The following GALNTL6 variants were observed in gnomAD, a reference collection of about 807,000 sequenced individuals.
GALNTL6 encodes polypeptide N-acetylgalactosaminyltransferase like 6.
In GALNTL6, 46 loss-of-function variants were observed where a neutral mutation model predicts 73.7. The ratio of observed to expected loss-of-function variants is 0.62; its 90% CI spans 0.49 to 0.80. The LOEUF (loss-of-function observed/expected upper bound fraction) is 0.80. Among genes scored for constraint, GALNTL6 ranks in the 30% least tolerant of loss-of-function variants. The pLI, the probability that GALNTL6 is intolerant of heterozygous loss-of-function variation, is 0.00. For missense variants in GALNTL6, 604 were observed against 755.0 expected, an observed-to-expected ratio of 0.80 and a Z score of 2.34; for synonymous variants, 259 against 263.7, an observed-to-expected ratio of 0.98 and a Z score of 0.17.
intron 3 of GALNTL6, among the ~76,000 whole-genome samples, chr4:172,230,055 A>C (rs1026829263): frequency 6.6e-6 from 1 of 152,204 alleles, no homozygotes; most frequent in African/African-American, 2.4e-5. Context: ...CCTGGGATTT[A>C]TCAATGAGAC....
intron 5 of GALNTL6, among the ~76,000 whole-genome samples, chr4:172,379,500 G>A (rs1368650024): frequency 3.8e-5 from 5 of 131,990 alleles, no homozygotes; most frequent in African/African-American, 5.8e-5. Flanking sequence ...ACTGCAGTCC[G>A]CAGTCCGGCC....
intron 8 of GALNTL6, among the ~76,000 whole-genome samples, chr4:172,910,735 CT>C (rs776403426): frequency 2.6e-5 from 4 of 152,182 alleles, no homozygotes; most frequent in Non-Finnish European, 5.9e-5. Context: ...TAGGAAATCC[CT>C]GAGCAAAGAG....
chr4:172,347,489 C>A (rs1741790657), intron 4 of GALNTL6, among the ~76,000 whole-genome samples: 2 of 152,132 alleles, frequency 1.3e-5, no homozygotes, highest in African/African-American at 4.8e-5. Flanking sequence ...TATCAAAGCA[C>A]AATTAGTTGG....
chr4:172,841,466 T>C (rs1743202037), intron 7 of GALNTL6, among the ~76,000 whole-genome samples: 1 of 152,126 alleles, frequency 6.6e-6, no homozygotes, highest in Non-Finnish European at 1.5e-5. Context: ...ATCTCGTAAC[T>C]ACTGTATTAG....
intron 3 of GALNTL6, among the ~76,000 whole-genome samples, chr4:172,242,880 A>C (rs1254219006): frequency 1.3e-5 from 2 of 152,214 alleles, no homozygotes; most frequent in African/African-American, 2.4e-5. Context: ...TCTCCTGCCT[A>C]AACTATTTCA....
rs185859568 is a variant in GALNTL6, at chr4:172,322,280, C to T, written c.386+10528C>T. Reference sequence around the variant, plus strand: ...GCTCTAAAACTTTTTAATGAACTTTCGCTTCTGCTCTAAAACTTGCCTTGG... The same window carrying T: ...GCTCTAAAACTTTTTAATGAACTTTTGCTTCTGCTCTAAAACTTGCCTTGG... On this transcript the variant is annotated intron_variant, in intron 4 of 12. Transcript: ENST00000506823. Among the ~76,000 whole-genome samples, 131 of 152,238 alleles carry T rather than the reference C, an allele frequency of 8.6e-4. 2 individuals carry two copies. The South Asian group carries it at 0.016, about 19-fold the overall frequency.
At chr4:171,991,140 C>T (rs896141480) in intron 2 of GALNTL6, among the ~76,000 whole-genome samples, 5 of 151,976 alleles carry the variant, frequency 3.3e-5, no homozygotes, top group African/African-American at 7.2e-5. Context: ...AATCAAGATA[C>T]GTAATTAAAA....
intron 5 of GALNTL6, among the ~76,000 whole-genome samples, chr4:172,391,160 AAT>A (rs1157044913): frequency 6.6e-6 from 1 of 152,140 alleles, no homozygotes; most frequent in Non-Finnish European, 1.5e-5. Context: ...CAGACTGAAT[AAT>A]TTATAAGGAA....
intron 2 of GALNTL6, among the ~76,000 whole-genome samples, chr4:172,026,591 G>A (rs773953960): frequency 6.6e-6 from 1 of 151,940 alleles, no homozygotes; most frequent in African/African-American, 2.4e-5. Flanking sequence ...ATTTTGAAAG[G>A]ACTAAGTTTC....
chr4:172,825,114 CT>C (rs1742186508), intron 7 of GALNTL6, among the ~76,000 whole-genome samples: 15 of 76,928 alleles, frequency 1.9e-4, no homozygotes, highest in Non-Finnish European at 3.5e-4. Flanking sequence ...TTCTTTCTTT[CT>C]TTCTTTCTTT....
intron 8 of GALNTL6, among the ~76,000 whole-genome samples, chr4:172,886,904 G>T (rs1307739503): frequency 1.3e-5 from 2 of 152,200 alleles, no homozygotes; most frequent in East Asian, 3.8e-4. Context: ...TGCTGCTGCA[G>T]TTTGGGTTAT....
intron 5 of GALNTL6, among the ~76,000 whole-genome samples, chr4:172,478,417 C>T (rs996871547): frequency 6.6e-6 from 1 of 152,118 alleles, no homozygotes; most frequent in Non-Finnish European, 1.5e-5. Flanking sequence ...AGGGAAAGGG[C>T]ACTCTATTCA....
rs558513419 is a variant in GALNTL6, at chr4:172,728,336, T to G, written c.554-81025T>G. ...TACTGTCAATCTTCATGAGATCCAC[T>G]TTTTTTAGTTCTCACATAGGAGTGA... is the stretch of plus-strand genomic sequence containing the variant. On this transcript the variant is annotated intron_variant, in intron 5 of 12. Transcript: ENST00000506823. 4.5e-4 allele frequency among the ~76,000 whole-genome samples: 68 copies of G among 152,282 alleles called. No individual in the cohort carries two copies. The South Asian group carries it at 8.7e-3, about 20-fold the overall frequency.
intron 3 of GALNTL6, among the ~76,000 whole-genome samples, chr4:172,258,897 C>G (rs114130998): frequency 0.049 from 7,462 of 151,320 alleles, 253 homozygotes; most frequent in Non-Finnish European, 0.071. Context: ...GTCTCCAGCT[C>G]CATCCAGGAT....
At chr4:172,599,228 T>A (rs570878493) in intron 5 of GALNTL6, among the ~76,000 whole-genome samples, 1 of 152,292 alleles carries the variant, frequency 6.6e-6, no homozygotes, top group South Asian at 2.1e-4. Context: ...ACTCTGTATA[T>A]GTTATCAGAC....
chr4:172,190,049 A>C (rs1253838871), intron 2 of GALNTL6, among the ~76,000 whole-genome samples: 1 of 152,224 alleles, frequency 6.6e-6, no homozygotes, highest in East Asian at 1.9e-4. Context: ...GACAATTTAT[A>C]GTCAATTCAA....
intron 2 of GALNTL6, among the ~76,000 whole-genome samples, chr4:171,871,799 A>G (rs926812098): frequency 5.3e-5 from 8 of 152,190 alleles, no homozygotes; most frequent in Non-Finnish European, 1.0e-4. Context: ...CAATTACATT[A>G]TACATAAAAT....
chr4:172,090,481 C>A (rs189739697), intron 2 of GALNTL6, among the ~76,000 whole-genome samples: 1 of 151,976 alleles, frequency 6.6e-6, no homozygotes, highest in African/African-American at 2.4e-5. Context: ...ATATGTTTGT[C>A]GGCTGCATAA....
At chr4:172,001,770 T>G (rs550693248) in intron 2 of GALNTL6, among the ~76,000 whole-genome samples, 2 of 152,144 alleles carry the variant, frequency 1.3e-5, no homozygotes, top group Non-Finnish European at 2.9e-5. Flanking sequence ...TTCAGGTAGA[T>G]TCTTTCTCCC....
Sources: allele counts gnomAD v4.1 joint callset (sites outside exome capture counted in the v4.1 genomes callset), GRCh38; gene constraint gnomAD v4.1.1; transcripts MANE v1.5; gene names NCBI Gene and HGNC (gene_info 2026-07-23, HGNC 2026-07-21).